The following TMCO5A variants were observed in gnomAD, a reference collection of about 807,000 sequenced individuals.
TMCO5A encodes transmembrane and coiled-coil domain-containing protein 5A.
A neutral mutation model predicts 42.3 loss-of-function variants in TMCO5A; 34 were observed. That is an observed-to-expected ratio of 0.80 (90% CI 0.61 to 1.07). TMCO5A has a LOEUF of 1.07. Ranked by LOEUF, TMCO5A falls within the 50% of genes least tolerant of loss-of-function variation. The probability of loss-of-function intolerance (pLI) is 0.00; values close to 1 mark genes in which losing one functional copy is unlikely to be tolerated. For synonymous variants in TMCO5A, 131 were observed against 115.6 expected, an observed-to-expected ratio of 1.13 and a Z score of -0.86; for missense variants, 357 against 327.9, an observed-to-expected ratio of 1.09 and a Z score of -0.69.
chr15:38,037,579 G>C, the TMCO5A span, among the ~76,000 whole-genome samples: 1 of 152,326 alleles, frequency 6.6e-6, no homozygotes, highest in South Asian at 2.1e-4. Flanking sequence ...AGAGGAGTAA[G>C]TGCAGACCAA....
downstream of TMCO5A, among the ~76,000 whole-genome samples, chr15:37,956,273 CAAAA>C (rs1183745947): frequency 1.3e-5 from 2 of 151,810 alleles, no homozygotes; most frequent in Non-Finnish European, 2.9e-5. Context: ...GATAGAGACA[CAAAA>C]AACCCTTCAA....
chr15:37,991,086 T>C, the TMCO5A span, among the ~76,000 whole-genome samples: 2 of 152,118 alleles, frequency 1.3e-5, no homozygotes, highest in African/African-American at 2.4e-5. Context: ...ATTTTAAAAA[T>C]GTTAGTCTCT....
chr15:38,035,362 T>G, the TMCO5A span, among the ~76,000 whole-genome samples: 4 of 152,214 alleles, frequency 2.6e-5, no homozygotes, highest in Non-Finnish European at 5.9e-5. Context: ...TATATATGCC[T>G]AAACTATAAG....
chr15:38,007,872 C>CTTT, the TMCO5A span, among the ~76,000 whole-genome samples: 86 of 47,406 alleles, frequency 1.8e-3, 30 homozygotes, highest in East Asian at 0.014. Context: ...CTCACCCACA[C>CTTT]TTTTTTTTTT....
At chr15:38,038,533 G>A in the TMCO5A span, among the ~76,000 whole-genome samples, 1 of 151,812 alleles carries the variant, frequency 6.6e-6, no homozygotes, top group Non-Finnish European at 1.5e-5. Context: ...AGCCTCCCGA[G>A]TAGCTGGGAC....
At chr15:38,007,378 G>A in the TMCO5A span, among the ~76,000 whole-genome samples, 3 of 152,170 alleles carry the variant, frequency 2.0e-5, no homozygotes, top group African/African-American at 7.2e-5. Flanking sequence ...TTTATGGGAA[G>A]CTCTTCAGAA....
chr15:38,017,549 T>C, the TMCO5A span, among the ~76,000 whole-genome samples: 45,979 of 151,774 alleles, frequency 0.3, 8,498 homozygotes, highest in African/African-American at 0.53. Context: ...AAGCACTCAG[T>C]GGTACAGGAA....
intron 11 of TMCO5A, among the ~76,000 whole-genome samples, chr15:37,949,167 A>G (rs972600713): frequency 6.6e-6 from 1 of 152,118 alleles, no homozygotes; most frequent in Non-Finnish European, 1.5e-5. Flanking sequence ...CAAGACCACC[A>G]TAAGAAGGTT....
chr15:37,977,709 C>G, the TMCO5A span, among the ~76,000 whole-genome samples: 262 of 152,344 alleles, frequency 1.7e-3, no homozygotes, highest in African/African-American at 6.0e-3. Context: ...GGGGCAAGCT[C>G]AGCCTTTATG....
the TMCO5A span, among the ~76,000 whole-genome samples, chr15:37,981,240 C>T: frequency 2.8e-5 from 4 of 142,846 alleles, no homozygotes; most frequent in East Asian, 2.0e-4. Context: ...TCCCAGAAGG[C>T]GGAGCAAGCC....
At chr15:38,009,244 A>G in the TMCO5A span, among the ~76,000 whole-genome samples, 1 of 152,332 alleles carries the variant, frequency 6.6e-6, no homozygotes, top group East Asian at 1.9e-4. Context: ...TACTTTTCCC[A>G]GGAAAGCCAA....
chr15:38,008,477 G>C, the TMCO5A span, among the ~76,000 whole-genome samples: 1 of 152,090 alleles, frequency 6.6e-6, no homozygotes, highest in Middle Eastern at 3.2e-3. Context: ...ATTGACTCTA[G>C]AACTCCTTCA....
At chr15:38,036,456 T>A in the TMCO5A span, among the ~76,000 whole-genome samples, 1 of 149,944 alleles carries the variant, frequency 6.7e-6, no homozygotes, top group Non-Finnish European at 1.5e-5. Context: ...TCCAAGCTCA[T>A]CACCCAGAGT....
At chr15:37,968,037 C>T (rs148723285), downstream of TMCO5A, among the ~76,000 whole-genome samples, 713 of 152,262 alleles carry the variant, frequency 4.7e-3, 2 homozygotes, top group Non-Finnish European at 8.7e-3. Context: ...GTATTGTTAC[C>T]TTCTATGTAA....
rs532160329 is a variant in TMCO5A, at chr15:37,947,665, A to C, written c.637A>C (p.Thr213Pro). ...TCCTTTCTTCTTCCAGGGTACTCCT[A>C]CCCAAAAGACAGCAAGATTATTCAG... ...HTSQNNEGTP[T>P]QKTARLFSKK... Residue 213 changes from threonine to proline, a missense_variant, in exon 11 of 12, where the codon ACC (threonine) becomes CCC (proline). Physicochemically the swap from Thr to Pro is conservative, Grantham distance 38. Coordinates refer to ENST00000319669, the MANE Select transcript of TMCO5A (RefSeq NM_152453.4). The C allele has an allele frequency of 1.2e-6, 2 of 1,600,356 alleles. No homozygotes were observed. The highest frequency in any genetic ancestry group is 4.5e-5 in the East Asian group (2 of 44,698).
At chr15:37,941,925 G>A (rs1889760833) in intron 8 of TMCO5A, among the ~76,000 whole-genome samples, 195 bp downstream of exon 8, 1 of 152,028 alleles carries the variant, frequency 6.6e-6, no homozygotes, top group Admixed American at 6.6e-5. Flanking sequence ...GGGAATTCCT[G>A]CCCTGCTCTC....
chr15:38,002,827 C>T, the TMCO5A span, among the ~76,000 whole-genome samples: 3 of 152,174 alleles, frequency 2.0e-5, no homozygotes, highest in African/African-American at 7.2e-5. Flanking sequence ...TGAAAGGTCA[C>T]ATATCTCTGT....
In TMCO5A at chr15:37,942,397, G is replaced by T. The variant is rs373014262; in HGVS notation, c.569+142G>T. On this transcript the variant is annotated intron_variant, in intron 9 of 11. Transcript: ENST00000319669. ...TATCTTTGCCCTCTGTTAGTGATCT[G>T]GTTGACCCCAGTAGATCACACCAAC... 515 of 728,844 alleles carry T rather than the reference G, an allele frequency of 7.1e-4. 4 individuals carry two copies. The South Asian group carries it at 9.0e-3, about 13-fold the overall frequency. 45.1% of individuals were successfully genotyped at this position (728,844 alleles called of 1,614,324 possible). A position where few individuals can be genotyped will look rare whatever the true frequency, so the allele number is the denominator to read the frequency against.
chr15:37,955,410 A>C (rs59038090), downstream of TMCO5A, among the ~76,000 whole-genome samples: 3 of 152,054 alleles, frequency 2.0e-5, no homozygotes, highest in African/African-American at 4.8e-5. Flanking sequence ...AATTCTACCA[A>C]ACATTTAAAG....
Sources: allele counts gnomAD v4.1 joint callset (sites outside exome capture counted in the v4.1 genomes callset), GRCh38; gene constraint gnomAD v4.1.1; transcripts MANE v1.5; gene names NCBI Gene and HGNC (gene_info 2026-07-23, HGNC 2026-07-21).